TMEM114: variants seen among roughly 807,000 people sequenced by gnomAD.
The protein encoded by TMEM114 is claudin-26.
In TMEM114, 6 loss-of-function variants were observed where a neutral mutation model predicts 6.2. That is an observed-to-expected ratio of 0.97 (90% confidence interval 0.53 to 1.91). The LOEUF (loss-of-function observed/expected upper bound fraction) is 1.91. Among genes scored for constraint, TMEM114 ranks in the 40% most tolerant of loss-of-function variants. The pLI is 0.01. For missense variants in TMEM114, 218 were observed against 158.3 expected (o/e 1.38, Z -2.02); for synonymous variants, 104 against 73.0 (o/e 1.42, Z -2.16).
chr16:8,535,072 G>T (rs562834208), downstream of TMEM114, among the ~76,000 whole-genome samples: 3 of 152,248 alleles, frequency 2.0e-5, no homozygotes, highest in Non-Finnish European at 4.4e-5. Flanking sequence ...GTGGTGGAGG[G>T]GTGTGAGTGG....
At chr16:8,569,133 A>G (rs761745255), downstream of TMEM114, among the ~76,000 whole-genome samples, 4 of 152,178 alleles carry the variant, frequency 2.6e-5, no homozygotes, top group Admixed American at 2.6e-4. Context: ...CCGGATGGGG[A>G]GCCCATTCCC....
At chr16:8,538,738 C>T (rs959441932) in intron 2 of TMEM114, among the ~76,000 whole-genome samples, 20 of 151,904 alleles carry the variant, frequency 1.3e-4, no homozygotes, top group African/African-American at 4.8e-4. Flanking sequence ...GATCTCCTGA[C>T]CTCGTGATCC....
chr16:8,555,131 C>G (rs1200674321), intron 2 of TMEM114, among the ~76,000 whole-genome samples: 1 of 152,206 alleles, frequency 6.6e-6, no homozygotes, highest in Non-Finnish European at 1.5e-5. Flanking sequence ...TGGTGTTTAT[C>G]ATGCACATTT....
At chr16:8,544,259 G>C (rs769252957) in intron 2 of TMEM114, among the ~76,000 whole-genome samples, 2 of 152,106 alleles carry the variant, frequency 1.3e-5, no homozygotes, top group Middle Eastern at 3.2e-3. Flanking sequence ...CACAGCTTTT[G>C]GATAAATAAC....
At chr16:8,529,065 G>A in the TMEM114 span, among the ~76,000 whole-genome samples, 1 of 152,228 alleles carries the variant, frequency 6.6e-6, no homozygotes, top group South Asian at 2.1e-4. Context: ...GAGGGCTTTA[G>A]AGAATCGTTC....
intron 2 of TMEM114, among the ~76,000 whole-genome samples, chr16:8,574,662 C>A (rs193045920): frequency 1.5e-4 from 23 of 151,504 alleles, no homozygotes; most frequent in Non-Finnish European, 3.4e-4. Context: ...AAAACCTAGT[C>A]CTTTAAAATC....
chr16:8,546,898 T>C (rs921244339), intron 2 of TMEM114, among the ~76,000 whole-genome samples: 1 of 152,176 alleles, frequency 6.6e-6, no homozygotes, highest in Non-Finnish European at 1.5e-5. Flanking sequence ...ATAAATAGCT[T>C]TTTCTTGTTC....
the TMEM114 span, among the ~76,000 whole-genome samples, chr16:8,531,216 C>A: frequency 6.6e-6 from 1 of 152,320 alleles, no homozygotes; most frequent in African/African-American, 2.4e-5. Flanking sequence ...AAATTGCATG[C>A]TAATGGCCTA....
intron 2 of TMEM114, among the ~76,000 whole-genome samples, chr16:8,558,906 A>AT (rs1332984783): frequency 6.6e-5 from 8 of 120,518 alleles, no homozygotes; most frequent in African/African-American, 2.5e-4. Flanking sequence ...ATGCCCAGCT[A>AT]ATTTTTTTTT....
intron 2 of TMEM114, among the ~76,000 whole-genome samples, chr16:8,541,874 G>T (rs1222505462): frequency 6.6e-6 from 1 of 152,064 alleles, no homozygotes; most frequent in East Asian, 1.9e-4. Context: ...GGATCAAAGG[G>T]GTCTGGCTTA....
chr16:8,535,127 G>C (rs888709666), downstream of TMEM114, among the ~76,000 whole-genome samples: 3 of 152,148 alleles, frequency 2.0e-5, no homozygotes, highest in Non-Finnish European at 4.4e-5. Context: ...TAGTCTCTGA[G>C]TCTCTGTGTC....
In TMEM114 at chr16:8,589,463, T is replaced by C. The variant is rs913008892; in HGVS notation, c.220+156A>G. Among the ~76,000 whole-genome samples, 1,123 of 152,232 alleles carry C rather than the reference T, an allele frequency of 7.4e-3. 11 individuals are homozygous for C. Among genetic ancestry groups the C allele is most frequent in the African/African-American group, 0.026 (1,061 of 41,546 alleles). On this transcript the variant is annotated intron_variant, in intron 1 of 3. Transcript: ENST00000620492. ...GTGCCTCTCGGAAGGGTTTTCGCAG[T>C]CCCGGCCTTCTGCTCACCTTCCCCC...
intron 2 of TMEM114, among the ~76,000 whole-genome samples, chr16:8,557,052 G>C (rs952804676): frequency 6.6e-5 from 10 of 152,220 alleles, no homozygotes; most frequent in Middle Eastern, 3.4e-3. Flanking sequence ...TGAGGAAACA[G>C]GATACACTCA....
At chr16:8,565,854 A>G (rs1901525789), downstream of TMEM114, among the ~76,000 whole-genome samples, 1 of 152,168 alleles carries the variant, frequency 6.6e-6, no homozygotes, top group Non-Finnish European at 1.5e-5. Flanking sequence ...AGTGCTAGCA[A>G]CTGGTTGTTT....
At chr16:8,528,695 T>C in the TMEM114 span, among the ~76,000 whole-genome samples, 1 of 152,250 alleles carries the variant, frequency 6.6e-6, no homozygotes, top group Non-Finnish European at 1.5e-5. Flanking sequence ...ATTTACAAAA[T>C]AATTTAAAAA....
chr16:8,565,796 C>T (rs1048596849), downstream of TMEM114, among the ~76,000 whole-genome samples: 2 of 152,184 alleles, frequency 1.3e-5, no homozygotes, highest in Admixed American at 6.5e-5. Context: ...TAACAATGCC[C>T]AGGTCCGCCC....
chr16:8,548,611 C>G (rs1056908252), intron 2 of TMEM114, among the ~76,000 whole-genome samples: 4 of 151,222 alleles, frequency 2.6e-5, no homozygotes, highest in Admixed American at 1.3e-4. Flanking sequence ...CCCCTAAGAG[C>G]AAATTATCTG....
At chr16:8,564,485 ATGAATGAG>A (rs534800809) in intron 2 of TMEM114, among the ~76,000 whole-genome samples, 1,064 of 21,820 alleles carry the variant, frequency 0.049, 145 homozygotes, top group African/African-American at 0.15. Flanking sequence ...GACGGAGGGA[ATGAATGAG>A]TGAATGAGTG....
downstream of TMEM114, among the ~76,000 whole-genome samples, chr16:8,567,716 A>G (rs1463753558): frequency 2.6e-5 from 4 of 152,180 alleles, no homozygotes; most frequent in Non-Finnish European, 5.9e-5. Flanking sequence ...GCCCTGCAGT[A>G]TTTAATCCAG....
Sources: gnomAD v4.1 joint callset for allele counts (sites outside exome capture counted in the v4.1 genomes callset) on GRCh38, gnomAD v4.1.1 for gene constraint, MANE v1.5 for transcripts, NCBI Gene and HGNC (gene_info 2026-07-23, HGNC 2026-07-21) for gene names.